The following DPP10 variants were observed in gnomAD, a reference collection of about 807,000 sequenced individuals.
DPP10 encodes inactive dipeptidyl peptidase 10.
Under a neutral mutation model 120.9 loss-of-function variants are expected in DPP10, and 33 were observed. The ratio of observed to expected loss-of-function variants is 0.27; its 90% CI spans 0.21 to 0.37. The LOEUF is 0.37. Ranked by LOEUF, DPP10 falls within the 10% of genes least tolerant of loss-of-function variation. The pLI is 1.00. For missense variants in DPP10, 816 were observed against 942.8 expected (o/e 0.87, Z 1.76); for synonymous variants, 337 against 326.1 (o/e 1.03, Z -0.36).
intron 1 of DPP10, among the ~76,000 whole-genome samples, chr2:114,849,918 C>A (rs1443312341): frequency 6.6e-6 from 1 of 151,816 alleles, no homozygotes; most frequent in Non-Finnish European, 1.5e-5. Flanking sequence ...CCAATTTTTT[C>A]TTTTCTTTTC....
chr2:115,634,518 G>C (rs1373339385), intron 5 of DPP10, among the ~76,000 whole-genome samples: 1 of 152,070 alleles, frequency 6.6e-6, no homozygotes, highest in African/African-American at 2.4e-5. Context: ...CTATTTACCT[G>C]GTTCCTTTCC....
At chr2:114,662,631 G>GCGTCCA (rs879538772) in intron 1 of DPP10, among the ~76,000 whole-genome samples, 25 of 152,288 alleles carry the variant, frequency 1.6e-4, no homozygotes, top group Non-Finnish European at 1.3e-4. Context: ...GATGGCCACC[G>GCGTCCA]CGTCCACGGA....
intron 1 of DPP10, among the ~76,000 whole-genome samples, chr2:114,844,066 T>G (rs1478449841): frequency 6.6e-6 from 1 of 152,152 alleles, no homozygotes; most frequent in Non-Finnish European, 1.5e-5. Context: ...ATTCTTATTA[T>G]AGTGAGCACT....
chr2:114,832,960 A>G (rs1687273145), intron 1 of DPP10, among the ~76,000 whole-genome samples: 1 of 152,196 alleles, frequency 6.6e-6, no homozygotes, highest in Admixed American at 6.5e-5. Flanking sequence ...ATCTGTGTGT[A>G]TACAGAGACA....
intron 3 of DPP10, among the ~76,000 whole-genome samples, chr2:115,417,083 G>T (rs2069501740): frequency 6.6e-6 from 1 of 152,082 alleles, no homozygotes; most frequent in Non-Finnish European, 1.5e-5. Context: ...AGACTGATAT[G>T]ATCTTACTGT....
chr2:115,356,454 G>A (rs549154481), intron 3 of DPP10, among the ~76,000 whole-genome samples: 81 of 152,134 alleles, frequency 5.3e-4, no homozygotes, highest in African/African-American at 1.9e-3. Flanking sequence ...GGAGTTTTGG[G>A]CTGAGATGAT....
intron 1 of DPP10, among the ~76,000 whole-genome samples, chr2:114,760,083 C>T (rs1385242525): frequency 6.6e-6 from 1 of 152,194 alleles, no homozygotes; most frequent in African/African-American, 2.4e-5. Context: ...AACGCTAATC[C>T]TGTAGAAGTC....
At chr2:115,534,615 G>A (rs1038866350) in intron 5 of DPP10, among the ~76,000 whole-genome samples, 1 of 151,822 alleles carries the variant, frequency 6.6e-6, no homozygotes, top group African/African-American at 2.4e-5. Context: ...TAGTCCTTTG[G>A]GTATATACCC....
At chr2:115,265,073 A>G (rs1046777659) in intron 1 of DPP10, among the ~76,000 whole-genome samples, 1 of 152,084 alleles carries the variant, frequency 6.6e-6, no homozygotes. Context: ...ATGAAGATCC[A>G]TAAAGATTTA....
chr2:115,725,215 G>T (rs973427506), intron 7 of DPP10, among the ~76,000 whole-genome samples: 1 of 152,064 alleles, frequency 6.6e-6, no homozygotes, highest in South Asian at 2.1e-4. Flanking sequence ...ATTGTCATTG[G>T]GGTCCAGTTT....
At chr2:115,228,030 C>A (rs1216515368) in intron 1 of DPP10, among the ~76,000 whole-genome samples, 4 of 151,028 alleles carry the variant, frequency 2.6e-5, no homozygotes, top group African/African-American at 9.7e-5. Context: ...TCAACCAATT[C>A]TCCTGCTACG....
At chr2:114,626,517 C>T (rs2010381) in intron 1 of DPP10, among the ~76,000 whole-genome samples, 16,279 of 151,952 alleles carry the variant, frequency 0.11, 1,182 homozygotes, top group African/African-American at 0.2. Context: ...TGAGCTGCCA[C>T]GTTTCACCAA....
At chr2:114,961,700 A>G (rs1698648951) in intron 1 of DPP10, among the ~76,000 whole-genome samples, 2 of 152,022 alleles carry the variant, frequency 1.3e-5, no homozygotes, top group Admixed American at 1.3e-4. Flanking sequence ...TGTCTGACAT[A>G]TAAAAGTACT....
At chr2:115,792,243 A>G (rs1027285301) in intron 19 of DPP10, among the ~76,000 whole-genome samples, 7 of 152,144 alleles carry the variant, frequency 4.6e-5, no homozygotes, top group Non-Finnish European at 8.8e-5. Context: ...AACAATCATT[A>G]CAATACAACC....
intron 5 of DPP10, among the ~76,000 whole-genome samples, chr2:115,683,738 A>G (rs1287256505): frequency 2.6e-5 from 4 of 151,904 alleles, no homozygotes; most frequent in Non-Finnish European, 1.5e-5. Flanking sequence ...TTTTAGTCTC[A>G]CCACCTTAAG....
At chr2:115,497,599 G>A (rs557197648) in intron 3 of DPP10, among the ~76,000 whole-genome samples, 78 of 152,186 alleles carry the variant, frequency 5.1e-4, no homozygotes, top group Non-Finnish European at 7.9e-4. Context: ...CATGCTATTT[G>A]GCTCTTGATA....
At chr2:115,696,316 GAAAGAC>G (rs1040883158) in intron 7 of DPP10, among the ~76,000 whole-genome samples, 11 of 152,090 alleles carry the variant, frequency 7.2e-5, no homozygotes, top group South Asian at 2.1e-4. Context: ...TCAAACTGTT[GAAAGAC>G]AAAGACAAAG....
chr2:115,317,801 C>A (rs2061868043), intron 2 of DPP10, among the ~76,000 whole-genome samples: 1 of 151,954 alleles, frequency 6.6e-6, no homozygotes, highest in Non-Finnish European at 1.5e-5. Context: ...GCCTGTTGCC[C>A]ATTTTAAGGG....
At chr2:115,516,637 T>G (rs7600647) in intron 4 of DPP10, among the ~76,000 whole-genome samples, 18,260 of 150,570 alleles carry the variant, frequency 0.12, 2,544 homozygotes, top group African/African-American at 0.33. Flanking sequence ...CAGATCCTTA[T>G]ATTTTTTGTT....
Sources: allele counts gnomAD v4.1 joint callset (sites outside exome capture counted in the v4.1 genomes callset), GRCh38; gene constraint gnomAD v4.1.1; transcripts MANE v1.5; gene names NCBI Gene and HGNC (gene_info 2026-07-23, HGNC 2026-07-21).